Variants in KDM5B observed in about 807,000 individuals in gnomAD.
KDM5B encodes the protein lysine-specific demethylase 5B.
Under a neutral mutation model 193.4 loss-of-function variants are expected in KDM5B, and 144 were observed. The ratio of observed to expected loss-of-function variants is 0.74; its 90% CI spans 0.65 to 0.86. The LOEUF is 0.86. KDM5B is among the 40% of genes least tolerant of loss of function. KDM5B has a pLI of 0.00. For synonymous variants in KDM5B, 668 were observed against 682.6 expected (o/e 0.98, Z 0.33); for missense variants, 1,833 against 1,886.9 (o/e 0.97, Z 0.53).
intron 1 of KDM5B, among the ~76,000 whole-genome samples, chr1:202,779,638 A>G (rs986527160): frequency 2.6e-5 from 4 of 151,832 alleles, no homozygotes; most frequent in African/African-American, 9.7e-5. Flanking sequence ...CGTCTCTACT[A>G]AAAATACACA....
rs184297377 is a variant in KDM5B, at chr1:202,799,907, T to G, written c.204+8195A>C. The stretch of plus-strand genomic sequence containing the variant: ...ATTTCAAGGAAGCAGGGAGAAGTCT[T>G]TAGATTTTAAGGGACATTAATAGAA... On this transcript the variant is annotated intron_variant, in intron 1 of 26. Transcript: ENST00000367265. 2.9e-4 allele frequency among the ~76,000 whole-genome samples: 44 copies of G among 152,316 alleles called. 1 individual carries two copies. The East Asian group carries it at 8.3e-3, about 29-fold the overall frequency.
Position 202,736,307 on chromosome 1 carries a change from G to T in KDM5B, c.3170C>A (p.Pro1057Gln). Residue 1057 changes from proline (P) to glutamine (Q), a missense_variant, in exon 21 of 27, where the codon CCA (proline) becomes CAA (glutamine). Around this residue, in one of 3 missense-constraint regions of KDM5B, gnomAD observed 1,379 missense variants for 1,349.6 expected, o/e 1.02. Transcript: ENST00000367265. ...RSIPVHLNSL[P>Q]RLETLVAEVQ... ...CTCAGCTACTAGGGTTTCCAGTCTT[G>T]GCAAAGAATTCAGATGTACGGGGAT... 6.2e-7 allele frequency: 1 copy of T among 1,612,624 alleles called. No homozygotes were observed. The highest frequency in any genetic ancestry group is 1.1e-5 in the South Asian group (1 of 90,972).
At chr1:202,754,266 T>A (rs1655920893) in intron 11 of KDM5B, among the ~76,000 whole-genome samples, 1 of 152,250 alleles carries the variant, frequency 6.6e-6, no homozygotes, top group Admixed American at 6.5e-5. Flanking sequence ...ATTAATTCTA[T>A]ACATATATAT....
chr1:202,791,070 A>G (rs1657623889), intron 1 of KDM5B, among the ~76,000 whole-genome samples: 1 of 152,212 alleles, frequency 6.6e-6, no homozygotes, highest in African/African-American at 2.4e-5. Context: ...ATGGTAGATA[A>G]AAGTATGTCA....
At chr1:202,749,889 A>C (rs1463122200) in intron 13 of KDM5B, among the ~76,000 whole-genome samples, 1 of 152,246 alleles carries the variant, frequency 6.6e-6, no homozygotes, top group African/African-American at 2.4e-5. Flanking sequence ...ATTAGCTTTA[A>C]CACCACTTAA....
At chr1:202,735,627 T>A (rs1028227230) in intron 21 of KDM5B, 40 bp from the exon 22 acceptor site, 1 of 1,583,322 alleles carries the variant, frequency 6.3e-7, no homozygotes, top group Admixed American at 1.7e-5. Flanking sequence ...AAAATAAATT[T>A]CAGATAAAGC....
chr1:202,738,029 G>A (rs931191940), intron 20 of KDM5B, among the ~76,000 whole-genome samples: 2 of 152,164 alleles, frequency 1.3e-5, no homozygotes, highest in African/African-American at 4.8e-5. Context: ...AAATCCGAGT[G>A]CTTCCTATGT....
chr1:202,776,238 T>TA (rs1219072359), intron 2 of KDM5B: 4 of 151,904 alleles, frequency 2.6e-5, no homozygotes, highest in Admixed American at 2.6e-4. Flanking sequence ...ACAAAAAAAG[T>TA]AAAAATTTTA....
At chr1:202,730,652 T>A (rs1654849597) in intron 25 of KDM5B, among the ~76,000 whole-genome samples, 3 of 152,158 alleles carry the variant, frequency 2.0e-5, no homozygotes, top group African/African-American at 7.2e-5. Flanking sequence ...CTATCCTAAC[T>A]ATATTCTCAG....
intron 1 of KDM5B, among the ~76,000 whole-genome samples, chr1:202,788,498 G>A (rs1196533754): frequency 4.6e-5 from 7 of 152,120 alleles, no homozygotes; most frequent in African/African-American, 9.7e-5. Context: ...TTAAGCATTC[G>A]TCACATTAAA....
chr1:202,764,973 G>A (rs1464187399), intron 5 of KDM5B, among the ~76,000 whole-genome samples: 1 of 152,226 alleles, frequency 6.6e-6, no homozygotes, highest in Non-Finnish European at 1.5e-5. Context: ...GCCAATCTCT[G>A]TCTCAAAACA....
At chr1:202,757,208 G>T (rs1323463958) in intron 9 of KDM5B, among the ~76,000 whole-genome samples, 3 of 152,218 alleles carry the variant, frequency 2.0e-5, no homozygotes, top group Non-Finnish European at 4.4e-5. Flanking sequence ...TGATCTGACA[G>T]GACGCAGAGC....
At chr1:202,768,790 T>G (rs1440247327) in intron 4 of KDM5B, among the ~76,000 whole-genome samples, 5 of 149,926 alleles carry the variant, frequency 3.3e-5, no homozygotes, top group Admixed American at 6.7e-5. Flanking sequence ...CAATCTCGGC[T>G]CACTGCAACC....
intron 20 of KDM5B, among the ~76,000 whole-genome samples, chr1:202,737,760 A>G (rs938983100): frequency 1.3e-5 from 2 of 152,202 alleles, no homozygotes; most frequent in African/African-American, 4.8e-5. Context: ...ACATGAGAAA[A>G]AGTGGGGTGG....
At chr1:202,753,664 GTTTTTTTTTTGT>G (rs1332787562) in intron 11 of KDM5B, among the ~76,000 whole-genome samples, 5 of 105,786 alleles carry the variant, frequency 4.7e-5, no homozygotes, top group Non-Finnish European at 6.2e-5. Context: ...TGTTGTTGTT[GTTTTTTTTTTGT>G]TTTTTTTTTT....
At chr1:202,779,615 C>T (rs990087423) in intron 1 of KDM5B, among the ~76,000 whole-genome samples, 2 of 152,012 alleles carry the variant, frequency 1.3e-5, no homozygotes, top group African/African-American at 4.8e-5. Flanking sequence ...GCCTGGCCAA[C>T]ATGGCAAAAC....
At chr1:202,807,584 A>C (rs1295981910) in intron 1 of KDM5B, among the ~76,000 whole-genome samples, 1 of 151,646 alleles carries the variant, frequency 6.6e-6, no homozygotes, top group Non-Finnish European at 1.5e-5. Context: ...CACACAAAGG[A>C]CCAGGGGCTC....
At chr1:202,766,891 G>T in intron 5 of KDM5B, 35 bp downstream of exon 5, 1 of 1,551,042 alleles carries the variant, frequency 6.4e-7, no homozygotes, top group South Asian at 1.3e-5. Context: ...TAGGGCTTGA[G>T]AATTCCTTTT....
chr1:202,742,756 G>A lies in KDM5B; in HGVS notation c.2373C>T (p.Phe791=), dbSNP rs1655398720. The A allele has an allele frequency of 1.2e-6, 2 of 1,614,084 alleles. No individual in the cohort carries two copies. Among genetic ancestry groups the A allele is most frequent in the South Asian group, 1.1e-5 (1 of 91,074 alleles). The part of the protein sequence containing the change: ...ALIEESEMKK[F]PDNDLLRHLR... ...GGTGTCGCAAAAGATCATTGTCTGG[G>A]AATTTCTTCATTTCAGATTCTTCAA... is the stretch of plus-strand genomic sequence containing the variant. Residue 791 remains phenylalanine (F), a synonymous_variant, in exon 17 of 27, where the codon TTC becomes TTT. Transcript: ENST00000367265.
Sources: gnomAD v4.1 joint callset for allele counts (sites outside exome capture counted in the v4.1 genomes callset) on GRCh38, gnomAD v4.1.1 for gene constraint, gnomAD v4.1.1 regional missense constraint, MANE v1.5 for transcripts, NCBI Gene and HGNC (gene_info 2026-07-23, HGNC 2026-07-21) for gene names.